RANBP17: variants seen among roughly 807,000 people sequenced by gnomAD.
The protein encoded by RANBP17 is RAN binding protein 17, also known as ran-binding protein 17.
A neutral mutation model predicts 141.2 loss-of-function variants in RANBP17; 158 were observed. The observed-to-expected ratio is 1.12, with a 90% CI of 0.98 to 1.28. RANBP17 has a LOEUF of 1.28. Ranked by LOEUF, RANBP17 falls within the 50% of genes most tolerant of loss-of-function variation. The pLI is 0.00. For synonymous variants in RANBP17, 430 were observed against 450.0 expected (o/e 0.96, Z 0.56); for missense variants, 1,438 against 1,290.7 (o/e 1.11, Z -1.75).
At chr5:171,103,643 G>T (rs1787341194) in intron 14 of RANBP17, among the ~76,000 whole-genome samples, 1 of 152,028 alleles carries the variant, frequency 6.6e-6, no homozygotes, top group Non-Finnish European at 1.5e-5. Context: ...GGTGCCAGTG[G>T]GGTATGAAAA....
rs541078329 is a variant in RANBP17 at position 171,223,269 on chromosome 5, T to C, written c.2422+1429T>C. Among the ~76,000 whole-genome samples the C allele has an allele frequency of 1.1e-4, 16 of 152,350 alleles. No homozygotes were observed. The South Asian group carries it at 3.3e-3, about 32-fold the overall frequency. On this transcript the variant is annotated intron_variant, in intron 22 of 27. Coordinates refer to ENST00000523189, the MANE Select transcript of RANBP17 (RefSeq NM_022897.5). ...TATAGGACAGTAAACTTGTACTCTC[T>C]TATTTTCATCTGTACCAGTAACTAC...
At chr5:170,949,172 G>C (rs1380604729) in intron 12 of RANBP17, among the ~76,000 whole-genome samples, 1 of 152,068 alleles carries the variant, frequency 6.6e-6, no homozygotes, top group Non-Finnish European at 1.5e-5. Context: ...TCTTAGATAT[G>C]ACACCTGAAG....
chr5:171,263,131 G>A (rs937623579), intron 24 of RANBP17, among the ~76,000 whole-genome samples: 12 of 152,296 alleles, frequency 7.9e-5, no homozygotes, highest in African/African-American at 2.6e-4. Context: ...TATTTCACCT[G>A]TAATCTACGT....
intron 1 of RANBP17, among the ~76,000 whole-genome samples, chr5:170,862,330 G>A (rs561280054): frequency 6.6e-6 from 1 of 152,200 alleles, no homozygotes; most frequent in African/African-American, 2.4e-5. Context: ...CTCGTCCCGG[G>A]GAAGGTGCGG....
At chr5:171,191,719 A>G (rs759079643) in intron 18 of RANBP17, among the ~76,000 whole-genome samples, 10 of 152,066 alleles carry the variant, frequency 6.6e-5, no homozygotes, top group African/African-American at 2.4e-4. Context: ...ACTGAGGTTC[A>G]TAGAGATTAA....
At chr5:171,151,139 A>G (rs1011098634) in intron 14 of RANBP17, among the ~76,000 whole-genome samples, 1 of 152,230 alleles carries the variant, frequency 6.6e-6, no homozygotes, top group African/African-American at 2.4e-5. Context: ...CTACCCAGAA[A>G]TGTGATCTGT....
chr5:170,944,214 A>G (rs1774567610), intron 12 of RANBP17, among the ~76,000 whole-genome samples: 3 of 152,240 alleles, frequency 2.0e-5, no homozygotes, highest in Admixed American at 2.0e-4. Context: ...TTTAACGTTT[A>G]TGAGAAATAC....
intron 14 of RANBP17, among the ~76,000 whole-genome samples, chr5:171,129,327 A>G (rs1015257474): frequency 6.6e-6 from 1 of 152,178 alleles, no homozygotes; most frequent in East Asian, 1.9e-4. Flanking sequence ...GCAAAAATGC[A>G]ATCTGTTTCT....
Position 171,170,136 on chromosome 5 carries a change from G to T in RANBP17, c.1717G>T (p.Ala573Ser). 2 of 1,562,062 alleles carry T rather than the reference G, an allele frequency of 1.3e-6. No individual in the cohort carries two copies. Among genetic ancestry groups the T allele is most frequent in the Non-Finnish European group, 8.7e-7 (1 of 1,145,412 alleles). ...ATGAAATGTTTTAATGCAGGTATAT[G>T]CTCGTATGTCAGAAGTCTTAGGAAT... ...DQLQRTSKVY[A>S]RMSEVLGITD... Residue 573 changes from alanine to serine, a missense_variant, in exon 15 of 28, where the codon GCT becomes TCT. Ala to Ser is a moderately conservative substitution (Grantham distance 99). Coordinates refer to ENST00000523189, the MANE Select transcript of RANBP17 (RefSeq NM_022897.5).
At chr5:171,298,432 TC>T (rs1028882179) in intron 27 of RANBP17, among the ~76,000 whole-genome samples, 72 of 152,252 alleles carry the variant, frequency 4.7e-4, no homozygotes, top group African/African-American at 1.7e-3. Flanking sequence ...AAACTTTTGT[TC>T]TTTTTTTTAT....
chr5:170,955,460 A>C (rs1468703804), intron 13 of RANBP17, among the ~76,000 whole-genome samples: 12 of 66,864 alleles, frequency 1.8e-4, no homozygotes, highest in East Asian at 7.4e-4. Flanking sequence ...CAGTATATAT[A>C]TATATCTATA....
chr5:171,224,132 A>G (rs1763748162), intron 22 of RANBP17, among the ~76,000 whole-genome samples: 1 of 152,182 alleles, frequency 6.6e-6, no homozygotes, highest in African/African-American at 2.4e-5. Context: ...ACAGGGGTTC[A>G]ACAACCCACA....
At chr5:171,254,244 C>G (rs1482376978) in intron 24 of RANBP17, among the ~76,000 whole-genome samples, 2 of 90,882 alleles carry the variant, frequency 2.2e-5, no homozygotes, top group African/African-American at 7.0e-5. Context: ...GAGACTCTGT[C>G]TCAAAAAAAA....
At chr5:171,059,512 C>T (rs1783659563) in intron 14 of RANBP17, among the ~76,000 whole-genome samples, 1 of 151,100 alleles carries the variant, frequency 6.6e-6, no homozygotes, top group Admixed American at 6.6e-5. Context: ...TGTTCTGTTC[C>T]ATTGATCTAT....
chr5:171,103,935 A>T (rs1212186288), intron 14 of RANBP17, among the ~76,000 whole-genome samples: 1 of 152,068 alleles, frequency 6.6e-6, no homozygotes, highest in African/African-American at 2.4e-5. Flanking sequence ...GACTGTACCC[A>T]CTGTCTAACC....
chr5:170,999,174 A>G (rs1779034746), intron 14 of RANBP17, among the ~76,000 whole-genome samples: 1 of 152,046 alleles, frequency 6.6e-6, no homozygotes, highest in South Asian at 2.1e-4. Context: ...ATTTTTCACA[A>G]GTAGAGCCTA....
In RANBP17 at chr5:171,299,893, T is replaced by G; in HGVS notation, c.*1035T>G. 4.7e-6 allele frequency: 1 copy of G among 211,002 alleles called. No homozygotes were observed. Among genetic ancestry groups the G allele is most frequent in the East Asian group, 7.2e-5 (1 of 13,966 alleles). The allele number at this position is 211,002 out of a possible 1,614,324, so 13.1% of individuals were successfully genotyped here. On this transcript the variant is annotated 3_prime_UTR_variant, in exon 28 of 28. Coordinates refer to ENST00000523189, the MANE Select transcript of RANBP17 (RefSeq NM_022897.5). ...GTCCACTGTCAAGTGTTTTACTATC[T>G]CACTGCTGTTTTTATGATTCAGGCT...
chr5:170,968,365 A>G lies in RANBP17; in HGVS notation c.1698A>G (p.Gln566=). The G allele has an allele frequency of 6.2e-7, 1 of 1,603,440 alleles. No homozygotes were observed. The highest frequency in any genetic ancestry group is 8.5e-7 in the Non-Finnish European group (1 of 1,176,260). The change falls in exon 14 of 28, where the codon CAA becomes CAG. Residue 566 remains glutamine (Q), a synonymous_variant. Transcript: ENST00000523189. ...FRKTYVGDQL[Q]RTSKVYARMS... is the part of the protein sequence containing the mutation. ...AAACATATGTTGGTGATCAACTTCA[A>G]AGAACCTCAAAGGTAGGTTTCTACT... is the stretch of plus-strand genomic sequence containing the variant.
At chr5:171,243,661 T>C (rs964730892) in intron 24 of RANBP17, among the ~76,000 whole-genome samples, 7 of 152,350 alleles carry the variant, frequency 4.6e-5, no homozygotes, top group African/African-American at 1.7e-4. Context: ...AGGATTCCAG[T>C]TGCTCTGTAT....
Sources: gnomAD v4.1 joint callset for allele counts (sites outside exome capture counted in the v4.1 genomes callset) on GRCh38, gnomAD v4.1.1 for gene constraint, MANE v1.5 for transcripts, NCBI Gene and HGNC (gene_info 2026-07-23, HGNC 2026-07-21) for gene names.